The following RESF1 variants were observed in gnomAD, a reference collection of about 807,000 sequenced individuals.
RESF1 encodes gonad expressed transcript.
In RESF1, 65 loss-of-function variants were observed where a neutral mutation model predicts 134.7. That is an observed-to-expected ratio of 0.48 (90% CI 0.40 to 0.59). The LOEUF is 0.59. RESF1 is among the 20% of genes least tolerant of loss of function. The pLI, the probability that RESF1 is intolerant of heterozygous loss-of-function variation, is 0.00. For synonymous variants in RESF1, 762 were observed against 702.2 expected (o/e 1.09, Z -1.35); for missense variants, 2,274 against 2,002.7 (o/e 1.14, Z -2.59).
intron 3 of RESF1, among the ~76,000 whole-genome samples, chr12:31,975,950 G>A (rs73294878): frequency 0.016 from 2,505 of 152,270 alleles, 69 homozygotes; most frequent in African/African-American, 0.057. Context: ...GAAACTTCTA[G>A]GTCTCAGGGC....
intron 3 of RESF1, among the ~76,000 whole-genome samples, chr12:31,971,684 C>T (rs1939511303): frequency 1.3e-5 from 2 of 152,124 alleles, no homozygotes; most frequent in Non-Finnish European, 2.9e-5. Context: ...TGATAAATGT[C>T]TTTTTTGTAT....
At chr12:31,968,903 T>C (rs374925522) in intron 2 of RESF1, among the ~76,000 whole-genome samples, 1 of 152,230 alleles carries the variant, frequency 6.6e-6, no homozygotes, top group Non-Finnish European at 1.5e-5. Flanking sequence ...TGATTCACTC[T>C]GATGATGTTC....
intron 2 of RESF1, among the ~76,000 whole-genome samples, chr12:31,961,681 C>A (rs1162037433): frequency 2.6e-5 from 4 of 152,266 alleles, no homozygotes; most frequent in South Asian, 2.1e-4. Flanking sequence ...CTCTTAGATT[C>A]TCTTTTTTGT....
At chr12:31,969,970 G>A (rs544584133) in intron 2 of RESF1, among the ~76,000 whole-genome samples, 4 of 152,130 alleles carry the variant, frequency 2.6e-5, no homozygotes, top group African/African-American at 7.2e-5. Flanking sequence ...TAGTAATATG[G>A]TTATTTCCTA....
At chr12:31,960,396 T>C (rs1939233640) in intron 1 of RESF1, among the ~76,000 whole-genome samples, 1 of 152,160 alleles carries the variant, frequency 6.6e-6, no homozygotes, top group Admixed American at 6.5e-5. Flanking sequence ...CTGCTAAATG[T>C]GTTAGCTTTA....
At chr12:31,977,811 T>TTG (rs1939671717) in intron 3 of RESF1, among the ~76,000 whole-genome samples, 1 of 149,166 alleles carries the variant, frequency 6.7e-6, no homozygotes, top group Non-Finnish European at 1.5e-5. Flanking sequence ...CTTTTTTTTT[T>TTG]TTTTTTTTTT....
Position 31,983,275 on chromosome 12 carries a change from TTGTC to T in RESF1, c.2325_2328del (p.Val776LysfsTer3), listed in dbSNP as rs1450061186. ...GTTAGTTCTGTCAGAGGTCAAAACATTGTCTGTCAAAGGAATAACACCTGCAGTG... is the reference window on the plus strand; with the variant it reads ...GTTAGTTCTGTCAGAGGTCAAAACATTGTCAAAGGAATAACACCTGCAGTG... On this transcript the variant is annotated frameshift_variant, in exon 4 of 6. Transcript: ENST00000312561. LOFTEE classifies it high-confidence loss of function. 5 of 1,613,236 alleles carry T rather than the reference TTGTC, an allele frequency of 3.1e-6. No individual in the cohort carries two copies. Among genetic ancestry groups the T allele is most frequent in the Admixed American group, 1.7e-5 (1 of 59,910 alleles).
chr12:31,965,927 A>G (rs893334430), intron 2 of RESF1, among the ~76,000 whole-genome samples: 1 of 151,384 alleles, frequency 6.6e-6, no homozygotes, highest in African/African-American at 2.4e-5. Flanking sequence ...CTTCGAATAC[A>G]GTTTTTACCT....
At chr12:31,977,128 T>C (rs1939653780) in intron 3 of RESF1, among the ~76,000 whole-genome samples, 1 of 152,196 alleles carries the variant, frequency 6.6e-6, no homozygotes, top group Non-Finnish European at 1.5e-5. Flanking sequence ...TTTTTTCTTA[T>C]TGTTCATTGT....
At chr12:31,962,215 C>G (rs1005198376) in intron 2 of RESF1, among the ~76,000 whole-genome samples, 9 of 124,624 alleles carry the variant, frequency 7.2e-5, no homozygotes, top group African/African-American at 1.9e-4. Context: ...AAGATTCTGT[C>G]TTTTTAAAAA....
rs755456973 is a variant in RESF1, at chr12:31,985,229, T to C, written c.4274T>C (p.Val1425Ala). Residue 1425 changes from valine (V) to alanine (A), a missense_variant, in exon 4 of 6, where the codon GTA becomes GCA. Val to Ala is a moderately conservative substitution (Grantham distance 64). Coordinates refer to ENST00000312561, the MANE Select transcript of RESF1 (RefSeq NM_018169.4). ...AGAGCCATTGTTAAAGAAAAGATGG[T>C]ATCAAATACTAAGTCTGTAGACACG... The part of the protein sequence containing the change: ...NERAIVKEKM[V>A]SNTKSVDTKA... The C allele has an allele frequency of 3.8e-6, 6 of 1,593,250 alleles. No homozygotes were observed. The South Asian group carries it at 6.9e-5, about 18-fold the overall frequency.
intron 3 of RESF1, among the ~76,000 whole-genome samples, chr12:31,973,321 T>C (rs895518510): frequency 6.6e-6 from 1 of 152,188 alleles, no homozygotes; most frequent in East Asian, 1.9e-4. Flanking sequence ...ACTTTTTTTT[T>C]TTTAAGAGAT....
chr12:31,977,017 G>A (rs951827282), intron 3 of RESF1, among the ~76,000 whole-genome samples: 2 of 152,070 alleles, frequency 1.3e-5, no homozygotes, highest in African/African-American at 2.4e-5. Context: ...TATGTATTGC[G>A]AATATAATCT....
At chr12:31,974,440 A>G (rs1477329582) in intron 3 of RESF1, among the ~76,000 whole-genome samples, 1 of 152,048 alleles carries the variant, frequency 6.6e-6, no homozygotes, top group Non-Finnish European at 1.5e-5. Flanking sequence ...CTAGAAGTCC[A>G]GGGTCAATAT....
At position 31,982,071 on chromosome 12, in the gene RESF1, A is replaced by G; in HGVS notation, c.1116A>G (p.Ile372Met). The G allele has an allele frequency of 2.5e-6, 4 of 1,614,178 alleles. No homozygotes were observed. Among genetic ancestry groups the G allele is most frequent in the Non-Finnish European group, 3.4e-6 (4 of 1,180,046 alleles). ...TTGCTCAAACTAATGAAGAGAAAAT[A>G]ATGGATTCTTGCAATCCAACTTCAA... Reference protein sequence around the residue: ...QTLAQTNEEKIMDSCNPTSNQ... With the variant: ...QTLAQTNEEKMMDSCNPTSNQ... The change falls in exon 4 of 6, where the codon ATA becomes ATG. Residue 372 changes from isoleucine (I) to methionine (M), a missense_variant. Transcript: ENST00000312561.
chr12:31,966,234 G>A (rs754493505), intron 2 of RESF1, among the ~76,000 whole-genome samples: 9 of 152,154 alleles, frequency 5.9e-5, no homozygotes, highest in African/African-American at 2.2e-4. Context: ...ATTCAAAGCC[G>A]TCTTGGGCTG....
Position 31,984,361 on chromosome 12 carries a change from A to C in RESF1, c.3406A>C (p.Lys1136Gln). 1 of 1,614,170 alleles carries C rather than the reference A, an allele frequency of 6.2e-7. No individual in the cohort carries two copies. The highest frequency in any genetic ancestry group is 1.3e-5 in the African/African-American group (1 of 75,050). Residue 1136 changes from lysine (K) to glutamine (Q), a missense_variant, in exon 4 of 6, where the codon AAA becomes CAA. Coordinates refer to ENST00000312561, the MANE Select transcript of RESF1 (RefSeq NM_018169.4). The stretch of plus-strand genomic sequence containing the variant: ...AGTAGACAAGTTGGCAGAACCTCAG[A>C]AAGAAGAGCCCATCACAGAAGTAGT... ...YVVDKLAEPQ[K>Q]EEPITEVVSQ...
chr12:31,991,362 A>T (rs1940089375), intron 5 of RESF1, among the ~76,000 whole-genome samples: 1 of 152,226 alleles, frequency 6.6e-6, no homozygotes, highest in African/African-American at 2.4e-5. Flanking sequence ...ACTAATTCTG[A>T]AAGAAAGCAA....
At chr12:31,962,220 T>TAAAA (rs33954876) in intron 2 of RESF1, among the ~76,000 whole-genome samples, 1 of 132,668 alleles carries the variant, frequency 7.5e-6, no homozygotes, top group African/African-American at 2.7e-5. Flanking sequence ...TCTGTCTTTT[T>TAAAA]AAAAAAAAAA....
Sources: gnomAD v4.1 joint callset for allele counts (sites outside exome capture counted in the v4.1 genomes callset) on GRCh38, gnomAD v4.1.1 for gene constraint, MANE v1.5 for transcripts, NCBI Gene and HGNC (gene_info 2026-07-23, HGNC 2026-07-21) for gene names.